The following EPHA5 variants were observed in gnomAD, a reference collection of about 807,000 sequenced individuals.
The protein encoded by EPHA5 is ephrin type-A receptor 5.
A neutral mutation model predicts 105.0 loss-of-function variants in EPHA5; 60 were observed. That is an observed-to-expected ratio of 0.57 (90% confidence interval 0.46 to 0.71). EPHA5 has a LOEUF of 0.71. EPHA5 is among the 30% of genes least tolerant of loss of function. The probability of loss-of-function intolerance (pLI) is 0.00; values close to 1 mark genes in which losing one functional copy is unlikely to be tolerated. For missense variants in EPHA5, 1,218 were observed against 1,274.7 expected (o/e 0.96, Z 0.68); for synonymous variants, 513 against 449.1 (o/e 1.14, Z -1.80).
chr4:65,416,625 G>C (rs183193024), intron 6 of EPHA5, among the ~76,000 whole-genome samples: 39 of 152,212 alleles, frequency 2.6e-4, no homozygotes, highest in Non-Finnish European at 4.9e-4. Context: ...AAGGAAACTG[G>C]GCTGCTGCTC....
At chr4:65,638,734 C>T (rs1056407130) in intron 2 of EPHA5, among the ~76,000 whole-genome samples, 11 of 152,142 alleles carry the variant, frequency 7.2e-5, no homozygotes, top group South Asian at 2.1e-4. Flanking sequence ...AGTGAAACTC[C>T]GTCTCAAAAA....
chr4:65,585,686 C>T (rs1742053837), intron 3 of EPHA5, among the ~76,000 whole-genome samples: 1 of 151,766 alleles, frequency 6.6e-6, no homozygotes, highest in Non-Finnish European at 1.5e-5. Context: ...ATTACAGTTA[C>T]ATTTAGCTGT....
intron 5 of EPHA5, among the ~76,000 whole-genome samples, chr4:65,457,832 T>C (rs1038428717): frequency 6.6e-6 from 1 of 151,950 alleles, no homozygotes; most frequent in Non-Finnish European, 1.5e-5. Flanking sequence ...TATAAATGTA[T>C]GCTACTTAGA....
intron 11 of EPHA5, among the ~76,000 whole-genome samples, chr4:65,358,411 T>C (rs998357103): frequency 1.3e-5 from 2 of 151,632 alleles, no homozygotes; most frequent in Non-Finnish European, 3.0e-5. Context: ...AGACCTATAG[T>C]ATGATTTCAT....
At position 65,322,928 on chromosome 4, in the gene EPHA5, G is replaced by C. The variant is rs956927366; in HGVS notation, c.*1186C>G. The C allele has an allele frequency of 2.2e-5, 5 of 228,718 alleles. No homozygotes were observed. Among genetic ancestry groups the C allele is most frequent in the African/African-American group, 1.1e-4 (5 of 44,978 alleles). The allele number at this position is 228,718 out of a possible 1,614,324, so 14.2% of individuals were successfully genotyped here. On this transcript the variant is annotated 3_prime_UTR_variant, in exon 17 of 17. Coordinates refer to ENST00000613740, the MANE Select transcript of EPHA5 (RefSeq NM_001281766.3). Reference sequence around the variant, plus strand: ...GAGTCAAAATGGGAATGGTTACAACGGATTAACACTTAAGGGTGATGCTTC... The same window carrying C: ...GAGTCAAAATGGGAATGGTTACAACCGATTAACACTTAAGGGTGATGCTTC...
intron 4 of EPHA5, among the ~76,000 whole-genome samples, chr4:65,492,456 C>T (rs1056291574): frequency 6.7e-6 from 1 of 150,216 alleles, no homozygotes; most frequent in African/African-American, 2.5e-5. Flanking sequence ...CCCGCCTGGG[C>T]CTCCCACAGT....
At chr4:65,654,393 C>T (rs115318284) in intron 1 of EPHA5, among the ~76,000 whole-genome samples, 1 of 151,960 alleles carries the variant, frequency 6.6e-6, no homozygotes, top group African/African-American at 2.4e-5. Flanking sequence ...GAATATAACA[C>T]CTACAATGAG....
At chr4:65,570,620 T>A (rs551229324) in intron 3 of EPHA5, among the ~76,000 whole-genome samples, 64 of 152,056 alleles carry the variant, frequency 4.2e-4, no homozygotes, top group African/African-American at 1.5e-3. Flanking sequence ...GATTATACGA[T>A]GAAGAGCAGT....
intron 5 of EPHA5, among the ~76,000 whole-genome samples, chr4:65,438,791 C>T (rs1020013315): frequency 5.9e-5 from 9 of 151,340 alleles, no homozygotes; most frequent in Non-Finnish European, 7.4e-5. Context: ...AGAATGTCAA[C>T]GCAAAAGGAG....
At chr4:65,394,499 A>G (rs193153542) in intron 8 of EPHA5, among the ~76,000 whole-genome samples, 1 of 152,328 alleles carries the variant, frequency 6.6e-6, no homozygotes, top group Non-Finnish European at 1.5e-5. Context: ...CTTCTCTAGT[A>G]GGACAGACAG....
At chr4:65,382,030 TAAATA>T (rs749420952) in intron 8 of EPHA5, among the ~76,000 whole-genome samples, 24 of 151,844 alleles carry the variant, frequency 1.6e-4, no homozygotes, top group Non-Finnish European at 2.7e-4. Flanking sequence ...AGGTGCACCT[TAAATA>T]AATTATGCAC....
At chr4:65,501,478 G>T (rs1450535818) in intron 3 of EPHA5, among the ~76,000 whole-genome samples, 2 of 151,340 alleles carry the variant, frequency 1.3e-5, no homozygotes, top group Non-Finnish European at 3.0e-5. Flanking sequence ...CAAGCTGAGA[G>T]CCAAATCGAG....
intron 14 of EPHA5, among the ~76,000 whole-genome samples, chr4:65,344,763 T>C (rs907955688): frequency 2.6e-5 from 4 of 152,176 alleles, no homozygotes; most frequent in African/African-American, 7.2e-5. Context: ...ATCTGAAGAA[T>C]AGAAAGTAGT....
chr4:65,365,807 T>C lies in EPHA5; in HGVS notation c.1987+125A>G, dbSNP rs950848091. On this transcript the variant is annotated intron_variant, in intron 10 of 16. Transcript: ENST00000613740. ...TTGTATTAAAATGTGATCAGTTACA[T>C]ATCACTTTGAATGCAAGCCAATTAG... 5.9e-5 allele frequency: 55 copies of C among 931,036 alleles called. 1 individual carries two copies. In the African/African-American group the frequency reaches 8.5e-4, roughly 14 times the overall value. The allele number at this position is 931,036 out of a possible 1,614,324, so 57.7% of individuals were successfully genotyped here.
At chr4:65,497,989 G>T (rs1007133416) in intron 3 of EPHA5, among the ~76,000 whole-genome samples, 1 of 151,844 alleles carries the variant, frequency 6.6e-6, no homozygotes, top group Non-Finnish European at 1.5e-5. Context: ...AGAAAAAGGA[G>T]CTATAGCAGT....
rs146020369 is a variant in EPHA5, at chr4:65,558,650, G to A, written c.910+42991C>T. 3.8e-3 allele frequency among the ~76,000 whole-genome samples: 585 copies of A among 152,008 alleles called. 3 individuals carry two copies. Among genetic ancestry groups the A allele is most frequent in the African/African-American group, 0.013 (552 of 41,464 alleles). On this transcript the variant is annotated intron_variant, in intron 3 of 16. Transcript: ENST00000613740. ...GTTGGTTTGCTGCACCCATTAACTC[G>A]TCATTTAACATTAGGTATATCTCCT...
At chr4:65,396,051 G>T (rs1721199950) in intron 8 of EPHA5, among the ~76,000 whole-genome samples, 4 of 152,154 alleles carry the variant, frequency 2.6e-5, no homozygotes, top group Admixed American at 2.6e-4. Flanking sequence ...GTAGATCTGG[G>T]CATCCCTGTG....
At chr4:65,523,078 A>G (rs533442936) in intron 3 of EPHA5, among the ~76,000 whole-genome samples, 1 of 152,088 alleles carries the variant, frequency 6.6e-6, no homozygotes, top group East Asian at 1.9e-4. Flanking sequence ...TCCGTTCTTA[A>G]TACTCAGTCA....
intron 3 of EPHA5, among the ~76,000 whole-genome samples, chr4:65,510,590 C>G (rs1010046074): frequency 6.6e-6 from 1 of 152,062 alleles, no homozygotes; most frequent in Non-Finnish European, 1.5e-5. Flanking sequence ...AGGTTTTAAT[C>G]AGAATGTGTA....
Sources: allele counts gnomAD v4.1 joint callset (sites outside exome capture counted in the v4.1 genomes callset), GRCh38; gene constraint gnomAD v4.1.1; transcripts MANE v1.5; gene names NCBI Gene and HGNC (gene_info 2026-07-23, HGNC 2026-07-21).